COLEC12: variants seen among roughly 807,000 people sequenced by gnomAD.
COLEC12 encodes the protein collectin subfamily member 12, also known as collectin-12.
A neutral mutation model predicts 71.1 loss-of-function variants in COLEC12; 33 were observed. The observed-to-expected ratio is 0.46, with a 90% CI of 0.35 to 0.62. COLEC12 has a LOEUF of 0.62. Among genes scored for constraint, COLEC12 ranks in the 20% least tolerant of loss-of-function variants. The pLI, the probability that COLEC12 is intolerant of heterozygous loss-of-function variation, is 0.00. For synonymous variants in COLEC12, 350 were observed against 353.0 expected, an observed-to-expected ratio of 0.99 and a Z score of 0.10; for missense variants, 765 against 916.1, an observed-to-expected ratio of 0.84 and a Z score of 2.13.
At chr18:498,722 G>A (rs187935812) in intron 1 of COLEC12, among the ~76,000 whole-genome samples, 161 of 152,208 alleles carry the variant, frequency 1.1e-3, no homozygotes, top group African/African-American at 3.7e-3. Flanking sequence ...GGATTCACCA[G>A]TCCGTCCCTC....
chr18:340,038 T>C (rs1914209488), intron 5 of COLEC12, among the ~76,000 whole-genome samples: 1 of 79,178 alleles, frequency 1.3e-5, no homozygotes, highest in Non-Finnish European at 2.6e-5. Flanking sequence ...AATGAAATAA[T>C]GAAATAAAAT....
At chr18:414,157 C>T (rs562595230) in intron 2 of COLEC12, among the ~76,000 whole-genome samples, 1 of 152,150 alleles carries the variant, frequency 6.6e-6, no homozygotes, top group Non-Finnish European at 1.5e-5. Context: ...TACATAGGAA[C>T]TCCATATTAT....
chr18:499,745 C>G (rs79173492), intron 1 of COLEC12, among the ~76,000 whole-genome samples: 5 of 152,228 alleles, frequency 3.3e-5, no homozygotes, highest in Non-Finnish European at 7.3e-5. Flanking sequence ...CAGAAGGCTG[C>G]CCTGCAGTCC....
chr18:488,669 T>C (rs1406060647), intron 1 of COLEC12, among the ~76,000 whole-genome samples: 1 of 151,744 alleles, frequency 6.6e-6, no homozygotes, highest in Non-Finnish European at 1.5e-5. Context: ...GGTCAGGAGT[T>C]CAAGACCAGC....
intron 2 of COLEC12, among the ~76,000 whole-genome samples, chr18:455,950 A>C (rs1916864165): frequency 1.3e-5 from 2 of 152,178 alleles, no homozygotes; most frequent in Admixed American, 1.3e-4. Context: ...TGCTATTGTA[A>C]ATAGTGCTCA....
intron 2 of COLEC12, among the ~76,000 whole-genome samples, chr18:406,825 C>T (rs1003234646): frequency 3.9e-5 from 6 of 152,254 alleles, no homozygotes; most frequent in East Asian, 3.8e-4. Flanking sequence ...CCTCCTCACT[C>T]GGTGCTGGGC....
chr18:333,218 G>C, intron 6 of COLEC12, 75 bp from the exon 7 acceptor site: 1 of 1,348,800 alleles, frequency 7.4e-7, no homozygotes, highest in Non-Finnish European at 1.0e-6. Flanking sequence ...CTGTGTTTCA[G>C]AGGCCAAAAC....
At chr18:357,078 G>A (rs1302445363) in intron 3 of COLEC12, among the ~76,000 whole-genome samples, 1 of 151,720 alleles carries the variant, frequency 6.6e-6, no homozygotes, top group East Asian at 1.9e-4. Flanking sequence ...AAGCCTCCAA[G>A]AGATAGGACG....
chr18:405,212 C>T (rs529079181), intron 2 of COLEC12, among the ~76,000 whole-genome samples: 1 of 152,296 alleles, frequency 6.6e-6, no homozygotes, highest in Admixed American at 6.5e-5. Flanking sequence ...AACATAGACC[C>T]TTATTAGTAG....
intron 2 of COLEC12, among the ~76,000 whole-genome samples, chr18:413,918 T>C (rs1462989466): frequency 6.6e-6 from 1 of 152,234 alleles, no homozygotes; most frequent in Non-Finnish European, 1.5e-5. Context: ...ATATACTCTA[T>C]GATTCCATTG....
At chr18:379,125 G>GT (rs368364045) in intron 2 of COLEC12, among the ~76,000 whole-genome samples, 14,976 of 146,712 alleles carry the variant, frequency 0.1, 826 homozygotes, top group Middle Eastern at 0.12. Context: ...TTTTGTTTTT[G>GT]TTTTTTTTTT....
chr18:463,265 C>G (rs761135239), intron 2 of COLEC12, among the ~76,000 whole-genome samples: 2 of 152,146 alleles, frequency 1.3e-5, no homozygotes, highest in South Asian at 2.1e-4. Flanking sequence ...TTTGTTTTAG[C>G]CTTGGTTTAT....
At chr18:349,075 C>T (rs1260658725) in intron 3 of COLEC12, among the ~76,000 whole-genome samples, 1 of 152,224 alleles carries the variant, frequency 6.6e-6, no homozygotes, top group Admixed American at 6.5e-5. Flanking sequence ...CTCTTGCCGT[C>T]CCAAATGTTA....
chr18:444,380 G>A (rs1916605505), intron 2 of COLEC12, among the ~76,000 whole-genome samples: 1 of 152,068 alleles, frequency 6.6e-6, no homozygotes, highest in Non-Finnish European at 1.5e-5. Context: ...ATATCTGGGG[G>A]CTGATCCAGT....
At chr18:325,840 T>C (rs1913830520) in intron 8 of COLEC12, among the ~76,000 whole-genome samples, 1 of 151,938 alleles carries the variant, frequency 6.6e-6, no homozygotes, top group African/African-American at 2.4e-5. Context: ...ATTTTTAAGT[T>C]TTTTGTAGAG....
chr18:474,213 T>A (rs912958480), intron 2 of COLEC12, among the ~76,000 whole-genome samples: 1 of 152,202 alleles, frequency 6.6e-6, no homozygotes, highest in Non-Finnish European at 1.5e-5. Context: ...AACTCCAACA[T>A]TGGCCATGCT....
At chr18:340,527 C>T (rs1227499490) in intron 5 of COLEC12, among the ~76,000 whole-genome samples, 1 of 152,172 alleles carries the variant, frequency 6.6e-6, no homozygotes, top group Non-Finnish European at 1.5e-5. Flanking sequence ...AAACTGTAGG[C>T]CTGAGAAGTG....
chr18:440,315 G>C (rs1025748173), intron 2 of COLEC12, among the ~76,000 whole-genome samples: 1 of 150,492 alleles, frequency 6.6e-6, no homozygotes, highest in Admixed American at 6.6e-5. Flanking sequence ...TAATACTATA[G>C]TATATACTTG....
At chr18:339,532 C>G (rs1914198062) in intron 5 of COLEC12, among the ~76,000 whole-genome samples, 2 of 132,154 alleles carry the variant, frequency 1.5e-5, no homozygotes, top group Admixed American at 1.5e-4. Flanking sequence ...GATTGACTTC[C>G]CAGCAAATTT....
Sources: allele counts gnomAD v4.1 joint callset (sites outside exome capture counted in the v4.1 genomes callset), GRCh38; gene constraint gnomAD v4.1.1; transcripts MANE v1.5; gene names NCBI Gene and HGNC (gene_info 2026-07-23, HGNC 2026-07-21).